MGST1: variants seen among roughly 807,000 people sequenced by gnomAD.
The protein encoded by MGST1 is microsomal glutathione S-transferase 1.
Under a neutral mutation model 8.9 loss-of-function variants are expected in MGST1, and 5 were observed. That is an observed-to-expected ratio of 0.56 (90% CI 0.29 to 1.19). MGST1 has a LOEUF of 1.19. MGST1 is among the 50% of genes most tolerant of loss of function. The pLI is 0.08. For missense variants in MGST1, 182 were observed against 187.4 expected (o/e 0.97, Z 0.17); for synonymous variants, 54 against 67.8 (o/e 0.80, Z 1.00).
intron 1 of MGST1, among the ~76,000 whole-genome samples, chr12:16,432,531 T>G (rs996576258): frequency 6.6e-6 from 1 of 151,986 alleles, no homozygotes; most frequent in African/African-American, 2.4e-5. Context: ...ATAGTAGCAA[T>G]GGAACAAGCA....
At chr12:16,575,988 T>C (rs1020093376) in intron 4 of MGST1, among the ~76,000 whole-genome samples, 1 of 151,862 alleles carries the variant, frequency 6.6e-6, no homozygotes, top group African/African-American at 2.4e-5. Context: ...AACTTTGAAT[T>C]TGCCTCCTCT....
chr12:16,393,151 A>C (rs1940569266), intron 1 of MGST1, among the ~76,000 whole-genome samples: 1 of 152,214 alleles, frequency 6.6e-6, no homozygotes, highest in Non-Finnish European at 1.5e-5. Flanking sequence ...ACATAAACAC[A>C]TTGCCAGAGC....
intron 4 of MGST1, among the ~76,000 whole-genome samples, chr12:16,564,276 T>C (rs779192715): frequency 1.3e-5 from 2 of 151,846 alleles, no homozygotes; most frequent in Non-Finnish European, 2.9e-5. Context: ...CAGAGAAATA[T>C]TTAATAACTT....
chr12:16,411,217 G>GT (rs1389531429), intron 1 of MGST1, among the ~76,000 whole-genome samples: 1 of 152,176 alleles, frequency 6.6e-6, no homozygotes, highest in Non-Finnish European at 1.5e-5. Flanking sequence ...CATGAGGGCA[G>GT]AACCACATCC....
chr12:16,386,870 AT>A (rs1565444920), intron 1 of MGST1, among the ~76,000 whole-genome samples: 1 of 152,184 alleles, frequency 6.6e-6, no homozygotes, highest in African/African-American at 2.4e-5. Flanking sequence ...TGGGATGTGA[AT>A]TATCTTTTTA....
chr12:16,528,877 A>G (rs1372272352), intron 4 of MGST1, among the ~76,000 whole-genome samples: 2 of 152,048 alleles, frequency 1.3e-5, no homozygotes, highest in Non-Finnish European at 2.9e-5. Flanking sequence ...TTTTACTTTA[A>G]CATTTATCTG....
chr12:16,356,497 A>G (rs1445794071), intron 2 of MGST1, among the ~76,000 whole-genome samples: 1 of 152,182 alleles, frequency 6.6e-6, no homozygotes, highest in Non-Finnish European at 1.5e-5. Flanking sequence ...GTTCTCTTCA[A>G]CATCTTTATC....
intron 4 of MGST1, among the ~76,000 whole-genome samples, chr12:16,446,427 G>C (rs546362780): frequency 6.6e-6 from 1 of 151,830 alleles, no homozygotes; most frequent in Non-Finnish European, 1.5e-5. Context: ...AATCAAGGTC[G>C]CCATCTTCAG....
chr12:16,405,058 GAAC>G (rs1940688341), intron 1 of MGST1, among the ~76,000 whole-genome samples: 1 of 152,100 alleles, frequency 6.6e-6, no homozygotes, highest in African/African-American at 2.4e-5. Flanking sequence ...TATATTAATA[GAAC>G]ATCCACATCA....
At chr12:16,479,235 C>CT (rs542448251) in intron 4 of MGST1, among the ~76,000 whole-genome samples, 4,715 of 111,800 alleles carry the variant, frequency 0.042, 506 homozygotes, top group African/African-American at 0.14. Flanking sequence ...TAGACTGTAT[C>CT]TTTTTTTTTT....
At chr12:16,590,144 A>G (rs548979760), downstream of MGST1, among the ~76,000 whole-genome samples, 2 of 152,092 alleles carry the variant, frequency 1.3e-5, no homozygotes, top group African/African-American at 4.8e-5. Flanking sequence ...TTTAAAAGAC[A>G]CTTTGTACAT....
Position 16,421,893 on chromosome 12 carries a change from C to T in MGST1, n.779-15495C>T, listed in dbSNP as rs573495615. On this transcript the variant is annotated intron_variant and non_coding_transcript_variant, in intron 1 of 1. Coordinates refer to the MGST1 transcript ENST00000359720. ...ATGTAATTAGCCTGACACAAAGTGG[C>T]TGTTCTGGTTTCATTGAGGGATGTT... is the stretch of plus-strand genomic sequence containing the variant. Among the ~76,000 whole-genome samples the T allele has an allele frequency of 1.7e-3, 252 of 152,304 alleles. 2 individuals are homozygous for T. Among genetic ancestry groups the T allele is most frequent in the African/African-American group, 5.8e-3 (240 of 41,562 alleles).
chr12:16,390,607 G>A (rs1374470014), intron 1 of MGST1, among the ~76,000 whole-genome samples: 1 of 152,074 alleles, frequency 6.6e-6, no homozygotes, highest in Non-Finnish European at 1.5e-5. Context: ...CTCCATCCAT[G>A]TTCCAATAAA....
At position 16,537,985 on chromosome 12, in the gene MGST1, AAT is replaced by A. The variant is rs1941765541; in HGVS notation, n.483-51542_483-51541del. 6.6e-6 allele frequency among the ~76,000 whole-genome samples: 1 copy of A among 152,136 alleles called. No homozygotes were observed. The highest frequency in any genetic ancestry group is 2.1e-4 in the South Asian group (1 of 4,834). On this transcript the variant is annotated intron_variant and non_coding_transcript_variant, in intron 4 of 4. Coordinates refer to the MGST1 transcript ENST00000538857. The surrounding 1 kb of genome is among the most constrained non-coding windows in gnomAD (Gnocchi z 4.6). Reference sequence around the variant, plus strand: ...AGCCAGCTTGAATTTCTTCTCAAAAAATGGGTTGTTCTTTTCTACTGCATCAT... The same window carrying A: ...AGCCAGCTTGAATTTCTTCTCAAAAAGGGTTGTTCTTTTCTACTGCATCAT...
chr12:16,380,431 T>C (rs1940438782), downstream of MGST1, among the ~76,000 whole-genome samples: 1 of 152,226 alleles, frequency 6.6e-6, no homozygotes, highest in South Asian at 2.1e-4. Flanking sequence ...GGTTGTTCAG[T>C]TTCCATGTGG....
chr12:16,392,761 A>AGATATATCTATCTGGATATATACAG (rs1940564879), intron 1 of MGST1, among the ~76,000 whole-genome samples: 1 of 151,906 alleles, frequency 6.6e-6, no homozygotes, highest in Non-Finnish European at 1.5e-5. Context: ...GATATATACA[A>AGATATATCTATCTGGATATATACAG]AGATATATCT....
intron 4 of MGST1, among the ~76,000 whole-genome samples, chr12:16,510,453 G>A (rs1941569673): frequency 2.0e-5 from 3 of 152,192 alleles, no homozygotes; most frequent in Non-Finnish European, 4.4e-5. Context: ...AATTATGGAT[G>A]AAACAGAAAG....
At chr12:16,444,425 A>G (rs1941063693) in intron 4 of MGST1, among the ~76,000 whole-genome samples, 1 of 151,804 alleles carries the variant, frequency 6.6e-6, no homozygotes, top group East Asian at 1.9e-4. Context: ...TCAACTCACA[A>G]TACTTTTTCC....
intron 4 of MGST1, chr12:16,549,917 TC>T (rs1941923527): frequency 6.6e-6 from 1 of 152,096 alleles, no homozygotes; most frequent in South Asian, 2.1e-4. Context: ...AAGACAAATT[TC>T]AGCCTAAGAA....
Sources: gnomAD v4.1 joint callset for allele counts (sites outside exome capture counted in the v4.1 genomes callset) on GRCh38, gnomAD v4.1.1 for gene constraint, Gnocchi (gnomAD v3.1) non-coding constraint, MANE v1.5 for transcripts, NCBI Gene and HGNC (gene_info 2026-07-23, HGNC 2026-07-21) for gene names.